SCN2A: variants seen among roughly 807,000 people sequenced by gnomAD.
SCN2A encodes the protein sodium voltage-gated channel alpha subunit 2, also known as sodium channel protein type 2 subunit alpha.
SCN2A carries 20 observed loss-of-function variants against 188.7 expected under a neutral mutation model. That is an observed-to-expected ratio of 0.11 (90% CI 0.07 to 0.15). The LOEUF (loss-of-function observed/expected upper bound fraction) is 0.15. Ranked by LOEUF, SCN2A falls within the 10% of genes least tolerant of loss-of-function variation. The pLI is 1.00. For missense variants in SCN2A, 1,278 were observed against 2,445.0 expected (o/e 0.52, Z 10.07); for synonymous variants, 804 against 833.1 (o/e 0.97, Z 0.60).
intron 7 of SCN2A, 107 bp from the exon 8 acceptor site, chr2:165,311,918 C>T (rs1187400337): frequency 9.8e-6 from 7 of 711,108 alleles, no homozygotes; most frequent in African/African-American, 3.5e-5. Context: ...TTAGTTTATC[C>T]ATCTCATTAT....
intron 13 of SCN2A, chr2:165,328,489 T>C: frequency 1.1e-5 from 11 of 985,796 alleles, no homozygotes; most frequent in Non-Finnish European, 1.3e-5. Flanking sequence ...CTGCTACCGA[T>C]GTCAGCAGCA....
intron 21 of SCN2A, 74 bp downstream of exon 21, chr2:165,373,421 C>A: frequency 6.6e-7 from 1 of 1,526,376 alleles, no homozygotes; most frequent in South Asian, 1.1e-5. Context: ...ATGGAAATGT[C>A]AAATTTATGG....
chr2:165,381,250 C>T, intron 25 of SCN2A, 53 bp downstream of exon 25: 2 of 1,282,366 alleles, frequency 1.6e-6, no homozygotes, highest in Non-Finnish European at 2.2e-6. Context: ...CTAACCGTTT[C>T]ACAGCCCGAA....
chr2:165,325,531 T>TA (rs543738115), intron 12 of SCN2A, among the ~76,000 whole-genome samples: 77 of 152,302 alleles, frequency 5.1e-4, no homozygotes, highest in Non-Finnish European at 9.1e-4. Flanking sequence ...GTAATGTCAT[T>TA]AGCAGTTTTG....
intron 1 of SCN2A, among the ~76,000 whole-genome samples, chr2:165,295,298 C>A (rs1343203465): frequency 1.3e-5 from 2 of 152,196 alleles, no homozygotes; most frequent in East Asian, 1.9e-4. Context: ...ATAAAGTGAG[C>A]CAAAGGGCAC....
intron 1 of SCN2A, among the ~76,000 whole-genome samples, chr2:165,282,642 C>T (rs1415761029): frequency 6.6e-6 from 1 of 152,172 alleles, no homozygotes; most frequent in East Asian, 1.9e-4. Flanking sequence ...TCTCCAACTC[C>T]TAGCCTCAAG....
intron 14 of SCN2A, among the ~76,000 whole-genome samples, chr2:165,338,483 A>T (rs539976162): frequency 6.3e-4 from 96 of 152,024 alleles, no homozygotes; most frequent in Non-Finnish European, 7.7e-4. Flanking sequence ...GATGGTCTTG[A>T]TCTCCTGACC....
At chr2:165,380,250 C>T (rs1369154138) in intron 23 of SCN2A, among the ~76,000 whole-genome samples, 3 of 151,748 alleles carry the variant, frequency 2.0e-5, no homozygotes, top group South Asian at 2.1e-4. Context: ...AATAATGTGA[C>T]GCTGACATCT....
At chr2:165,387,808 T>C (rs970762883) in intron 26 of SCN2A, among the ~76,000 whole-genome samples, 8 of 152,122 alleles carry the variant, frequency 5.3e-5, no homozygotes, top group Admixed American at 2.6e-4. Flanking sequence ...TTTAGTCGAA[T>C]AGAACATTGT....
chr2:165,331,657 A>T (rs1574611461), intron 14 of SCN2A, 89 bp downstream of exon 14: 1 of 1,022,500 alleles, frequency 9.8e-7, no homozygotes, highest in Non-Finnish European at 1.5e-6. Flanking sequence ...TTAAATATCA[A>T]CTAATTGGCC....
chr2:165,367,294 A>G lies in SCN2A; in HGVS notation c.3598A>G (p.Thr1200Ala), dbSNP rs765909421. 89 of 1,614,050 alleles carry G rather than the reference A, an allele frequency of 5.5e-5. No individual in the cohort carries two copies. The Middle Eastern group carries it at 6.6e-4, about 12-fold the overall frequency. ...GAAACTCTGGTGGAATTTGAGGAAAACATGCTATAAGATAGTGGAGCACAA... is the reference window on the plus strand; with the variant it reads ...GAAACTCTGGTGGAATTTGAGGAAAGCATGCTATAAGATAGTGGAGCACAA... ...KGKLWWNLRK[T>A]CYKIVEHNWF... The change falls in exon 19 of 27, where the codon ACA (threonine) becomes GCA (alanine). Residue 1200 changes from threonine to alanine, a missense_variant. Physicochemically the swap from Thr to Ala is moderately conservative, Grantham distance 58. This residue lies in a region of SCN2A where 228 missense variants were observed against 297.3 expected (regional missense o/e 0.77). Coordinates refer to ENST00000375437, the MANE Select transcript of SCN2A (RefSeq NM_001040142.2).
intron 1 of SCN2A, among the ~76,000 whole-genome samples, chr2:165,251,675 G>GCTGC (rs1420985598): frequency 6.6e-6 from 1 of 152,000 alleles, no homozygotes; most frequent in East Asian, 1.9e-4. Flanking sequence ...GCCTCCTGCT[G>GCTGC]CTGCTAGCCT....
At chr2:165,302,778 G>A (rs979834254) in intron 3 of SCN2A, among the ~76,000 whole-genome samples, 1 of 152,164 alleles carries the variant, frequency 6.6e-6, no homozygotes, top group Admixed American at 6.5e-5. Flanking sequence ...GGAGACAGGG[G>A]TGGGTGTGCC....
At position 165,380,464 on chromosome 2, in the gene SCN2A, ATCT is replaced by A; in HGVS notation, c.4309-127_4309-125del. 6 of 680,282 alleles carry A rather than the reference ATCT, an allele frequency of 8.8e-6. No homozygotes were observed. In the South Asian group the frequency reaches 1.1e-4, roughly 13 times the overall value. 42.1% of individuals were successfully genotyped at this position (680,282 alleles called of 1,614,324 possible). Reference sequence around the variant, plus strand: ...CATGTGAGATTTGAAGGTTCATAAAATCTGTTTAGTGTTTGGTTTATTTTCATT... The same window carrying A: ...CATGTGAGATTTGAAGGTTCATAAAAGTTTAGTGTTTGGTTTATTTTCATT... On this transcript the variant is annotated intron_variant, in intron 23 of 26. Transcript: ENST00000375437.
chr2:165,338,944 G>A (rs1699158538), intron 14 of SCN2A, among the ~76,000 whole-genome samples: 1 of 152,188 alleles, frequency 6.6e-6, no homozygotes, highest in Non-Finnish European at 1.5e-5. Flanking sequence ...CATCTAGCCG[G>A]GCGTGGAGGC....
chr2:165,245,330 G>C (rs998310068), intron 1 of SCN2A: 1 of 152,054 alleles, frequency 6.6e-6, no homozygotes, highest in South Asian at 2.1e-4. Context: ...GGTTTTATAG[G>C]GGTTTTTCTC....
chr2:165,310,681 G>A, intron 7 of SCN2A, 86 bp downstream of exon 7: 2 of 940,954 alleles, frequency 2.1e-6, no homozygotes, highest in South Asian at 2.1e-5. Context: ...CAATTTAGAT[G>A]TGAATCAAGT....
intron 17 of SCN2A, among the ~76,000 whole-genome samples, chr2:165,363,182 A>G (rs1700548632): frequency 6.6e-6 from 1 of 152,020 alleles, no homozygotes; most frequent in Admixed American, 6.6e-5. Context: ...TCACTCACTC[A>G]TTCTTTTTTT....
intron 25 of SCN2A, 44 bp from the exon 26 acceptor site, chr2:165,386,702 T>C (rs1701893567): frequency 1.3e-6 from 2 of 1,583,214 alleles, no homozygotes; most frequent in South Asian, 1.1e-5. Flanking sequence ...AATTCGATTT[T>C]TTTTAAGGTT....
Sources: allele counts gnomAD v4.1 joint callset (sites outside exome capture counted in the v4.1 genomes callset), GRCh38; gene constraint gnomAD v4.1.1; regional missense constraint gnomAD v4.1.1; transcripts MANE v1.5; gene names NCBI Gene and HGNC (gene_info 2026-07-23, HGNC 2026-07-21).